CAP2: variants seen among roughly 807,000 people sequenced by gnomAD.
CAP2 encodes the protein adenylyl cyclase-associated protein 2.
CAP2 carries 24 observed loss-of-function variants against 57.7 expected under a neutral mutation model. That is an observed-to-expected ratio of 0.42 (90% CI 0.30 to 0.58). The LOEUF (loss-of-function observed/expected upper bound fraction) is 0.58. CAP2 is among the 20% of genes least tolerant of loss of function. CAP2 has a pLI of 0.22. For synonymous variants in CAP2, 194 were observed against 207.2 expected (o/e 0.94, Z 0.55); for missense variants, 501 against 590.3 (o/e 0.85, Z 1.57).
At chr6:17,509,297 T>G (rs998989250) in intron 6 of CAP2, among the ~76,000 whole-genome samples, 1 of 152,190 alleles carries the variant, frequency 6.6e-6, no homozygotes, top group Admixed American at 6.5e-5. Context: ...ATTTATAAAA[T>G]ACACACGAGA....
At chr6:17,466,599 G>A (rs1302890050) in intron 4 of CAP2, among the ~76,000 whole-genome samples, 1 of 152,218 alleles carries the variant, frequency 6.6e-6, no homozygotes, top group African/African-American at 2.4e-5. Flanking sequence ...TCTTGTTAAA[G>A]TGCAGAGTCT....
intron 1 of CAP2, among the ~76,000 whole-genome samples, chr6:17,401,942 A>T (rs1400764683): frequency 1.3e-5 from 2 of 152,228 alleles, no homozygotes; most frequent in African/African-American, 4.8e-5. Flanking sequence ...AGTAATTGAA[A>T]ATTTTAAAAA....
chr6:17,522,826 C>T (rs1762421163), intron 7 of CAP2, among the ~76,000 whole-genome samples: 2 of 152,150 alleles, frequency 1.3e-5, no homozygotes, highest in Admixed American at 6.6e-5. Flanking sequence ...GACAGAGTCT[C>T]ACTCTGTCGC....
chr6:17,471,176 C>A (rs1561795181), intron 4 of CAP2, among the ~76,000 whole-genome samples: 1 of 152,116 alleles, frequency 6.6e-6, no homozygotes, highest in African/African-American at 2.4e-5. Flanking sequence ...CGAAGGAACA[C>A]AGAGCCAAAC....
In CAP2 at chr6:17,556,386, A is replaced by C. The variant is rs757869003; in HGVS notation, c.1378A>C (p.Lys460Gln). 7 of 1,613,858 alleles carry C rather than the reference A, an allele frequency of 4.3e-6. No individual in the cohort carries two copies. The highest frequency in any genetic ancestry group is 5.1e-6 in the Non-Finnish European group (6 of 1,179,732). Residue 460 changes from lysine to glutamine, a missense_variant, in exon 13 of 13, where the codon AAG (lysine) becomes CAG (glutamine). Lys to Gln is a moderately conservative substitution (Grantham distance 53, BLOSUM62 1). Coordinates refer to ENST00000229922, the MANE Select transcript of CAP2 (RefSeq NM_006366.3). ...YREFPIPEQF[K>Q]TAWDGSKLIT... ...AGAATTTCCCATTCCTGAACAGTTC[A>C]AGACAGCATGGGATGGATCCAAGTT...
intron 4 of CAP2, among the ~76,000 whole-genome samples, chr6:17,500,340 A>AATATATATATACATATATATAT (rs1761775350): frequency 3.0e-5 from 1 of 33,024 alleles, no homozygotes; most frequent in Admixed American, 4.1e-4. Flanking sequence ...TGTGTGTCCA[A>AATATATATATACATATATATAT]ATATATATAT....
chr6:17,467,802 C>T (rs1760907752), intron 4 of CAP2, among the ~76,000 whole-genome samples: 1 of 152,170 alleles, frequency 6.6e-6, no homozygotes, highest in Admixed American at 6.5e-5. Flanking sequence ...GAATTACAGG[C>T]ATGAGCCACA....
intron 4 of CAP2, among the ~76,000 whole-genome samples, chr6:17,500,281 ATG>A (rs1243811999): frequency 2.1e-5 from 3 of 143,406 alleles, no homozygotes; most frequent in African/African-American, 7.7e-5. Flanking sequence ...CTGACTTTAA[ATG>A]GTGAAAATAA....
At position 17,393,940 on chromosome 6, in the gene CAP2, G is replaced by C. The variant is rs1480300736; in HGVS notation, c.-2+194G>C. On this transcript the variant is annotated intron_variant, in intron 1 of 12. Coordinates refer to ENST00000229922, the MANE Select transcript of CAP2 (RefSeq NM_006366.3). ...CGCGGGGGCCGGGGCGCGGCGACCC[G>C]GGCGCGGGGCGCGGGCGCGGGCGGA... Among the ~76,000 whole-genome samples, 7 of 147,142 alleles carry C rather than the reference G, an allele frequency of 4.8e-5. No homozygotes were observed. In the East Asian group the frequency reaches 6.0e-4, roughly 13 times the overall value.
chr6:17,530,804 T>G, intron 7 of CAP2: 1 of 577,756 alleles, frequency 1.7e-6, no homozygotes, highest in East Asian at 3.0e-5. Context: ...TTTTTTCATT[T>G]TTTTGGTCTC....
chr6:17,539,638 C>T (rs1348724958), intron 8 of CAP2, among the ~76,000 whole-genome samples, 180 bp downstream of exon 8: 2 of 152,096 alleles, frequency 1.3e-5, no homozygotes, highest in Non-Finnish European at 2.9e-5. Flanking sequence ...TCCATGCAGA[C>T]GGGCTCAGGG....
chr6:17,471,548 T>C (rs1238195302), intron 4 of CAP2, among the ~76,000 whole-genome samples: 1 of 152,118 alleles, frequency 6.6e-6, no homozygotes, highest in Admixed American at 6.5e-5. Flanking sequence ...GGTAAAAAAG[T>C]TAGGCCGGGC....
chr6:17,482,955 AT>A (rs796795093), intron 4 of CAP2, among the ~76,000 whole-genome samples: 3 of 152,366 alleles, frequency 2.0e-5, no homozygotes, highest in African/African-American at 7.2e-5. Context: ...TGCAGGCGTC[AT>A]TTGGGCCAGT....
intron 4 of CAP2, among the ~76,000 whole-genome samples, chr6:17,467,858 G>T (rs529309824): frequency 3.3e-5 from 5 of 152,042 alleles, no homozygotes; most frequent in Non-Finnish European, 7.4e-5. Context: ...AATTATTATT[G>T]ACTACAGTCA....
chr6:17,530,964 TG>T, intron 7 of CAP2: 1 of 1,539,804 alleles, frequency 6.5e-7, no homozygotes, highest in Non-Finnish European at 8.9e-7. Context: ...TTCTACAAAA[TG>T]GGTGGTCTTT....
At chr6:17,540,949 T>C (rs1762883342) in intron 8 of CAP2, 24 bp from the exon 9 acceptor site, 1 of 1,593,962 alleles carries the variant, frequency 6.3e-7, no homozygotes, top group African/African-American at 1.4e-5. Context: ...AAAATAAATG[T>C]GTCCATGTGT....
intron 7 of CAP2, among the ~76,000 whole-genome samples, chr6:17,516,222 G>A (rs1461192043): frequency 1.3e-5 from 2 of 152,114 alleles, no homozygotes; most frequent in East Asian, 1.9e-4. Flanking sequence ...TTAGCATGTG[G>A]AATGGTGCTT....
At chr6:17,473,348 T>G (rs1463737000) in intron 4 of CAP2, among the ~76,000 whole-genome samples, 2 of 152,224 alleles carry the variant, frequency 1.3e-5, no homozygotes, top group African/African-American at 4.8e-5. Context: ...TGAGGTCACT[T>G]TGTGTTTTTA....
At chr6:17,443,574 G>GACACACAC (rs3075206) in intron 3 of CAP2, among the ~76,000 whole-genome samples, 27,589 of 149,998 alleles carry the variant, frequency 0.18, 2,763 homozygotes, top group Middle Eastern at 0.27. Flanking sequence ...AAAACACACA[G>GACACACAC]ACACACACAC....
Sources: gnomAD v4.1 joint callset for allele counts (sites outside exome capture counted in the v4.1 genomes callset) on GRCh38, gnomAD v4.1.1 for gene constraint, MANE v1.5 for transcripts, NCBI Gene and HGNC (gene_info 2026-07-23, HGNC 2026-07-21) for gene names.